GFRA1: variants seen among roughly 807,000 people sequenced by gnomAD.
GFRA1 encodes GDNF family receptor alpha 1.
A neutral mutation model predicts 51.6 loss-of-function variants in GFRA1; 16 were observed. That is an observed-to-expected ratio of 0.31 (90% CI 0.21 to 0.47). The LOEUF (loss-of-function observed/expected upper bound fraction) is 0.47, where lower values mean the gene tolerates loss of function less well. Ranked by LOEUF, GFRA1 falls within the 20% of genes least tolerant of loss-of-function variation. The pLI is 1.00. For missense variants in GFRA1, 530 were observed against 594.3 expected (o/e 0.89, Z 1.13); for synonymous variants, 270 against 241.3 (o/e 1.12, Z -1.10).
intron 9 of GFRA1, among the ~76,000 whole-genome samples, chr10:116,076,898 A>G (rs1024477761): frequency 6.6e-6 from 1 of 152,214 alleles, no homozygotes; most frequent in South Asian, 2.1e-4. Flanking sequence ...CATAATTCCA[A>G]TGACAATGAG....
chr10:116,158,563 G>A (rs1266183465), intron 5 of GFRA1, among the ~76,000 whole-genome samples: 2 of 152,202 alleles, frequency 1.3e-5, no homozygotes, highest in East Asian at 3.9e-4. Context: ...GCCGTGGAAT[G>A]TGGAGTAAGG....
chr10:116,092,819 T>C (rs1360790034), intron 8 of GFRA1, among the ~76,000 whole-genome samples: 1 of 152,086 alleles, frequency 6.6e-6, no homozygotes, highest in Non-Finnish European at 1.5e-5. Context: ...ATAGAGTGAG[T>C]TTGAACACAC....
At chr10:116,144,148 A>C (rs549801780) in intron 5 of GFRA1, among the ~76,000 whole-genome samples, 2 of 152,324 alleles carry the variant, frequency 1.3e-5, no homozygotes, top group Admixed American at 6.5e-5. Flanking sequence ...CCATGTTTTA[A>C]GAAATATTGT....
chr10:116,188,432 G>C (rs1431848522), intron 5 of GFRA1, among the ~76,000 whole-genome samples: 1 of 152,232 alleles, frequency 6.6e-6, no homozygotes, highest in African/African-American at 2.4e-5. Context: ...GAGCTAGAAA[G>C]TAGAACAGTG....
chr10:116,085,488 C>T (rs1956058549), intron 9 of GFRA1, among the ~76,000 whole-genome samples: 1 of 152,002 alleles, frequency 6.6e-6, no homozygotes, highest in South Asian at 2.1e-4. Context: ...GTGGCTGGGA[C>T]AAACGCCATT....
rs371243155 is a variant in GFRA1, at chr10:116,151,495, G to C, written c.434-25938C>G. On this transcript the variant is annotated intron_variant, in intron 5 of 10. Coordinates refer to ENST00000355422, the MANE Select transcript of GFRA1 (RefSeq NM_005264.8). ...GGATGTAGCCAATGATCATTAACTA[G>C]AGACTAGAGAAGTAACTTTAGTCAT... 2.0e-5 allele frequency among the ~76,000 whole-genome samples: 3 copies of C among 152,300 alleles called. No individual in the cohort carries two copies. The South Asian group carries it at 6.2e-4, about 32-fold the overall frequency.
At chr10:116,104,705 C>T (rs928216253) in intron 6 of GFRA1, among the ~76,000 whole-genome samples, 1 of 152,176 alleles carries the variant, frequency 6.6e-6, no homozygotes, top group Non-Finnish European at 1.5e-5. Flanking sequence ...TTTGGCATCC[C>T]TCCCGAAGCC....
intron 5 of GFRA1, among the ~76,000 whole-genome samples, chr10:116,198,482 T>C (rs1048631599): frequency 6.6e-6 from 1 of 152,212 alleles, no homozygotes; most frequent in African/African-American, 2.4e-5. Context: ...GCCTCCTCTA[T>C]TTACACTGTA....
At chr10:116,172,634 G>T (rs1961149139) in intron 5 of GFRA1, among the ~76,000 whole-genome samples, 2 of 152,162 alleles carry the variant, frequency 1.3e-5, no homozygotes, top group South Asian at 4.1e-4. Context: ...AAGCGGCCAG[G>T]CAGGGCACAT....
chr10:116,106,210 C>A (rs191812054), intron 6 of GFRA1, among the ~76,000 whole-genome samples: 2 of 152,110 alleles, frequency 1.3e-5, no homozygotes, highest in Non-Finnish European at 2.9e-5. Context: ...CCAGTGAGAC[C>A]CGAGTCAGAC....
chr10:116,065,464 G>T, intron 10 of GFRA1, 109 bp downstream of exon 10: 1 of 868,558 alleles, frequency 1.2e-6, no homozygotes. Context: ...GATTTCTTGT[G>T]GACTGGATAC....
intron 6 of GFRA1, among the ~76,000 whole-genome samples, chr10:116,110,167 C>G (rs2530331): frequency 0.18 from 27,007 of 152,224 alleles, 2,428 homozygotes; most frequent in Middle Eastern, 0.23. Flanking sequence ...AGCCTGGGAA[C>G]CTGACCTGGC....
intron 5 of GFRA1, among the ~76,000 whole-genome samples, chr10:116,159,717 C>A (rs772953920): frequency 6.6e-6 from 1 of 152,146 alleles, no homozygotes; most frequent in South Asian, 2.1e-4. Flanking sequence ...TGGGAGACTG[C>A]GGCTGCACGG....
Position 116,097,202 on chromosome 10 carries a change from C to T in GFRA1, c.771-438G>A, listed in dbSNP as rs562841323. ...CGTGTCCCTGGCATCAAAATAGGAT[C>T]CTACAGCCCATCTGCTCCTGTAATT... is the stretch of plus-strand genomic sequence containing the variant. On this transcript the variant is annotated intron_variant, in intron 6 of 10. Transcript: ENST00000355422. Among the ~76,000 whole-genome samples, 60 of 152,302 alleles carry T rather than the reference C, an allele frequency of 3.9e-4. 2 individuals carry two copies. In the South Asian group the frequency reaches 0.01, roughly 26 times the overall value.
intron 6 of GFRA1, among the ~76,000 whole-genome samples, chr10:116,100,230 T>C (rs2133924265): frequency 6.6e-6 from 1 of 152,356 alleles, no homozygotes; most frequent in Admixed American, 6.5e-5. Context: ...GAAGTATTTG[T>C]ACATGCCAGG....
At chr10:116,118,302 C>T (rs567257488) in intron 6 of GFRA1, among the ~76,000 whole-genome samples, 2 of 152,332 alleles carry the variant, frequency 1.3e-5, no homozygotes, top group South Asian at 4.1e-4. Context: ...ATCTCTACCA[C>T]TCCAACTCTG....
At chr10:116,242,643 A>G (rs897177397) in intron 4 of GFRA1, among the ~76,000 whole-genome samples, 5 of 151,972 alleles carry the variant, frequency 3.3e-5, no homozygotes, top group Non-Finnish European at 5.9e-5. Context: ...CTCCACGCCT[A>G]GTTAATTTTT....
intron 4 of GFRA1, among the ~76,000 whole-genome samples, chr10:116,251,332 C>A (rs1418757584): frequency 6.6e-6 from 1 of 152,182 alleles, no homozygotes; most frequent in Admixed American, 6.5e-5. Flanking sequence ...CATGGCAGGT[C>A]AGAGCCAGAA....
intron 4 of GFRA1, among the ~76,000 whole-genome samples, chr10:116,247,994 T>C (rs1968005797): frequency 6.6e-6 from 1 of 152,140 alleles, no homozygotes; most frequent in Admixed American, 6.5e-5. Flanking sequence ...AATGATATGG[T>C]TTTAAAAGGC....
Sources: allele counts gnomAD v4.1 joint callset (sites outside exome capture counted in the v4.1 genomes callset), GRCh38; gene constraint gnomAD v4.1.1; transcripts MANE v1.5; gene names NCBI Gene and HGNC (gene_info 2026-07-23, HGNC 2026-07-21).